SYN3: variants seen among roughly 807,000 people sequenced by gnomAD.
SYN3 encodes the protein synapsin-3.
A neutral mutation model predicts 65.8 loss-of-function variants in SYN3; 35 were observed. That is an observed-to-expected ratio of 0.53 (90% CI 0.41 to 0.70). The LOEUF (loss-of-function observed/expected upper bound fraction) is 0.70, where lower values mean the gene tolerates loss of function less well. Among genes scored for constraint, SYN3 ranks in the 30% least tolerant of loss-of-function variants. The probability of loss-of-function intolerance (pLI) is 0.00; values close to 1 mark genes in which losing one functional copy is unlikely to be tolerated. For missense variants in SYN3, 680 were observed against 749.0 expected (o/e 0.91, Z 1.08); for synonymous variants, 270 against 292.9 (o/e 0.92, Z 0.80).
At chr22:33,013,096 T>TA (rs1162043112) in intron 1 of SYN3, among the ~76,000 whole-genome samples, 1 of 152,232 alleles carries the variant, frequency 6.6e-6, no homozygotes, top group Non-Finnish European at 1.5e-5. Context: ...GAAGGGATCT[T>TA]AGAGTTTATT....
At chr22:32,719,672 A>C (rs1473595766) in intron 6 of SYN3, among the ~76,000 whole-genome samples, 1 of 152,110 alleles carries the variant, frequency 6.6e-6, no homozygotes, top group Middle Eastern at 3.2e-3. Context: ...GTGAGACACC[A>C]TCTCTCCAAA....
At chr22:32,868,369 T>G in intron 5 of SYN3, among the ~76,000 whole-genome samples, 1 of 151,360 alleles carries the variant, frequency 6.6e-6, no homozygotes, top group East Asian at 1.9e-4. Context: ...ATATGTAATA[T>G]CATATATCAT....
At chr22:32,529,098 A>G in intron 10 of SYN3, 90 bp from the exon 11 acceptor site, 1 of 1,534,246 alleles carries the variant, frequency 6.5e-7, no homozygotes, top group Non-Finnish European at 8.9e-7. Context: ...CTCAGGGCTC[A>G]GGACAGAAGT....
chr22:32,915,649 C>T (rs1001115724), intron 4 of SYN3, among the ~76,000 whole-genome samples: 4 of 152,144 alleles, frequency 2.6e-5, no homozygotes, highest in African/African-American at 9.7e-5. Context: ...TTGACCTACA[C>T]AGAACAGCAA....
intron 6 of SYN3, among the ~76,000 whole-genome samples, chr22:32,638,250 T>A (rs1232931037): frequency 3.3e-5 from 5 of 152,236 alleles, no homozygotes; most frequent in African/African-American, 7.2e-5. Flanking sequence ...ATAACTTTGT[T>A]ACTGTGAATA....
intron 6 of SYN3, among the ~76,000 whole-genome samples, chr22:32,604,520 TAC>T (rs1168006954): frequency 1.4e-4 from 16 of 112,802 alleles, no homozygotes; most frequent in African/African-American, 4.5e-4. Context: ...TCCCGTCTCA[TAC>T]TCATGTCTCC....
intron 6 of SYN3, among the ~76,000 whole-genome samples, chr22:32,632,031 G>A (rs1050131808): frequency 3.9e-5 from 6 of 152,216 alleles, no homozygotes; most frequent in Admixed American, 1.3e-4. Flanking sequence ...ACTAGGCGCC[G>A]GAGGGATGCT....
chr22:32,785,152 G>A (rs2046161240), intron 6 of SYN3, among the ~76,000 whole-genome samples: 1 of 152,098 alleles, frequency 6.6e-6, no homozygotes, highest in South Asian at 2.1e-4. Flanking sequence ...GAGGGGATGA[G>A]AGGGGTCAGT....
intron 10 of SYN3, among the ~76,000 whole-genome samples, chr22:32,532,416 A>G (rs1282422959): frequency 6.6e-6 from 1 of 152,278 alleles, no homozygotes; most frequent in Non-Finnish European, 1.5e-5. Flanking sequence ...AGCCCCTTCC[A>G]TGGCTCCTCC....
At chr22:32,653,780 T>C (rs546158940) in intron 6 of SYN3, among the ~76,000 whole-genome samples, 1 of 152,284 alleles carries the variant, frequency 6.6e-6, no homozygotes, top group South Asian at 2.1e-4. Context: ...ATGGTTCAAC[T>C]TCTCTGAATC....
intron 2 of SYN3, among the ~76,000 whole-genome samples, chr22:33,001,399 C>G (rs1397097210): frequency 6.6e-6 from 1 of 152,134 alleles, no homozygotes; most frequent in African/African-American, 2.4e-5. Context: ...TTCACTGTTC[C>G]CCTACCCTAC....
chr22:32,875,069 G>T (rs1446672437), intron 4 of SYN3, among the ~76,000 whole-genome samples: 1 of 152,212 alleles, frequency 6.6e-6, no homozygotes, highest in Non-Finnish European at 1.5e-5. Context: ...AGGACTTTGG[G>T]AATTAGTGAT....
At chr22:32,686,547 G>T (rs2060591144) in intron 6 of SYN3, among the ~76,000 whole-genome samples, 1 of 150,152 alleles carries the variant, frequency 6.7e-6, no homozygotes, top group African/African-American at 2.5e-5. Context: ...TGAGTTTGGT[G>T]CTGAAAGGAG....
intron 6 of SYN3, among the ~76,000 whole-genome samples, chr22:32,762,629 C>T (rs201629914): frequency 3.4e-4 from 51 of 152,054 alleles, no homozygotes; most frequent in African/African-American, 1.2e-3. Flanking sequence ...GCCAGGGTCG[C>T]GAAACCCAGT....
intron 2 of SYN3, among the ~76,000 whole-genome samples, chr22:32,990,347 CCCAT>C (rs2052667731): frequency 1.2e-5 from 1 of 86,426 alleles, no homozygotes; most frequent in African/African-American, 3.6e-5. Flanking sequence ...CATCCATCCA[CCCAT>C]CCATCCACAT....
In SYN3 at chr22:32,689,992, A is replaced by G. The variant is rs1220384790; in HGVS notation, c.712-93256T>C. Among the ~76,000 whole-genome samples, 4 of 152,254 alleles carry G rather than the reference A, an allele frequency of 2.6e-5. No individual in the cohort carries two copies. In the East Asian group the frequency reaches 7.7e-4, roughly 29 times the overall value. ...GGAGTTTGAGACCAGCCTGGCCAAC[A>G]TGGTCAAACCCCGTCTCTACTAAAA... On this transcript the variant is annotated intron_variant, in intron 6 of 13. Transcript: ENST00000358763.
intron 6 of SYN3, among the ~76,000 whole-genome samples, chr22:32,770,383 A>G (rs542761797): frequency 6.6e-6 from 1 of 152,254 alleles, no homozygotes; most frequent in East Asian, 1.9e-4. Context: ...ACTGAATAAA[A>G]TAAACTCCTT....
At chr22:32,735,235 G>A (rs778326347) in intron 6 of SYN3, among the ~76,000 whole-genome samples, 9 of 152,190 alleles carry the variant, frequency 5.9e-5, no homozygotes, top group African/African-American at 2.2e-4. Context: ...ATTTCTAGCT[G>A]TGAGACTTTG....
At chr22:32,962,958 T>C (rs1271997674) in intron 3 of SYN3, among the ~76,000 whole-genome samples, 4 of 151,030 alleles carry the variant, frequency 2.6e-5, no homozygotes, top group Admixed American at 6.6e-5. Context: ...TCTCTCTATA[T>C]GGGTATAAAT....
Sources: gnomAD v4.1 joint callset for allele counts (sites outside exome capture counted in the v4.1 genomes callset) on GRCh38, gnomAD v4.1.1 for gene constraint, MANE v1.5 for transcripts, NCBI Gene and HGNC (gene_info 2026-07-23, HGNC 2026-07-21) for gene names.